Variants in USP15 observed in about 807,000 individuals in gnomAD.
USP15 encodes ubiquitin carboxyl-terminal hydrolase 15.
Under a neutral mutation model 127.1 loss-of-function variants are expected in USP15, and 18 were observed. The ratio of observed to expected loss-of-function variants is 0.14; its 90% CI spans 0.10 to 0.21. USP15 has a LOEUF of 0.21. Ranked by LOEUF, USP15 falls within the 10% of genes least tolerant of loss-of-function variation. The pLI is 1.00. For synonymous variants in USP15, 364 were observed against 393.7 expected, an observed-to-expected ratio of 0.92 and a Z score of 0.89; for missense variants, 805 against 1,159.9, an observed-to-expected ratio of 0.69 and a Z score of 4.44.
chr12:62,314,746 T>C (rs1296608220), intron 3 of USP15, 44 bp from the exon 4 acceptor site: 3 of 1,436,274 alleles, frequency 2.1e-6, no homozygotes, highest in Non-Finnish European at 2.8e-6. Flanking sequence ...GAGTGAAATA[T>C]ATTGATATAG....
chr12:62,394,287 A>G (rs2067414095), intron 19 of USP15, among the ~76,000 whole-genome samples: 1 of 152,204 alleles, frequency 6.6e-6, no homozygotes, highest in African/African-American at 2.4e-5. Flanking sequence ...GTATTATTTC[A>G]TATCCTGTGA....
chr12:62,289,697 TTGTGTGTGTG>T (rs71450579), intron 1 of USP15, among the ~76,000 whole-genome samples: 31 of 135,496 alleles, frequency 2.3e-4, no homozygotes, highest in Middle Eastern at 3.9e-3. Context: ...GGTTGTTAAT[TTGTGTGTGTG>T]TGTGTGTGTG....
intron 6 of USP15, among the ~76,000 whole-genome samples, chr12:62,333,929 G>A (rs2065378549): frequency 1.3e-5 from 2 of 152,090 alleles, no homozygotes; most frequent in Non-Finnish European, 2.9e-5. Context: ...AATCATGAAG[G>A]CTCAGGAAAA....
At chr12:62,300,732 CA>C (rs1241423032) in intron 2 of USP15, among the ~76,000 whole-genome samples, 1 of 152,140 alleles carries the variant, frequency 6.6e-6, no homozygotes, top group Admixed American at 6.5e-5. Flanking sequence ...TTGATGCATA[CA>C]TGGCACTGTA....
chr12:62,269,198 C>T (rs1351840500), intron 1 of USP15, among the ~76,000 whole-genome samples: 1 of 151,956 alleles, frequency 6.6e-6, no homozygotes, highest in Non-Finnish European at 1.5e-5. Context: ...GGGGTACTTA[C>T]ACAAATCTAG....
At chr12:62,376,762 G>C (rs2066842138) in intron 8 of USP15, among the ~76,000 whole-genome samples, 1 of 152,130 alleles carries the variant, frequency 6.6e-6, no homozygotes, top group Non-Finnish European at 1.5e-5. Flanking sequence ...AGGAAGCATT[G>C]AGAGTAAGAG....
At chr12:62,277,245 A>T (rs182663580) in intron 1 of USP15, among the ~76,000 whole-genome samples, 1 of 152,138 alleles carries the variant, frequency 6.6e-6, no homozygotes, top group Non-Finnish European at 1.5e-5. Flanking sequence ...TGTCATGTTT[A>T]TTATGGTATT....
chr12:62,261,114 A>C (rs2137010029), intron 1 of USP15, among the ~76,000 whole-genome samples: 1 of 152,274 alleles, frequency 6.6e-6, no homozygotes, highest in East Asian at 1.9e-4. Context: ...ATGAGAGACC[A>C]CGTGGTCTTG....
rs928276148 is a variant in USP15 at position 62,405,854 on chromosome 12, A to G, written c.*1479A>G. 3 of 152,560 alleles carry G rather than the reference A, an allele frequency of 2.0e-5. No homozygotes were observed. Among genetic ancestry groups the G allele is most frequent in the Non-Finnish European group, 2.9e-5 (2 of 68,004 alleles). The allele number at this position is 152,560 out of a possible 1,614,324, so 9.5% of individuals were successfully genotyped here. On this transcript the variant is annotated 3_prime_UTR_variant, in exon 22 of 22. Coordinates refer to ENST00000280377, the MANE Select transcript of USP15 (RefSeq NM_001252078.2). ...ATTATTTATTTATGTTAGCATTTAAAAGTTTAAAAAAAATGCATTTGACCA... is the reference window on the plus strand; with the variant it reads ...ATTATTTATTTATGTTAGCATTTAAGAGTTTAAAAAAAATGCATTTGACCA...
chr12:62,263,204 G>T (rs1488587697), intron 1 of USP15, among the ~76,000 whole-genome samples: 1 of 151,976 alleles, frequency 6.6e-6, no homozygotes, highest in Non-Finnish European at 1.5e-5. Context: ...TTTAATCTTT[G>T]AATCAGGTTA....
Position 62,391,193 on chromosome 12 carries a change from G to T in USP15, c.1997G>T (p.Ser666Ile), listed in dbSNP as rs1425683574. 6.2e-7 allele frequency: 1 copy of T among 1,613,452 alleles called. No individual in the cohort carries two copies. The highest frequency in any genetic ancestry group is 1.7e-5 in the Admixed American group (1 of 59,940). The change falls in exon 16 of 22, where the codon AGC (serine) becomes ATC (isoleucine). Residue 666 changes from serine to isoleucine, a missense_variant. Ser to Ile is a moderately radical substitution (Grantham distance 142). Coordinates refer to ENST00000280377, the MANE Select transcript of USP15 (RefSeq NM_001252078.2). ...METDEPDDES[S>I]QDQELPSENE... The stretch of plus-strand genomic sequence containing the variant: ...ACAGATGAGCCAGATGATGAATCCA[G>T]CCAGGATCAAGAACTTCCCTCAGAG...
At chr12:62,341,463 C>T (rs1015709651) in intron 6 of USP15, among the ~76,000 whole-genome samples, 1 of 152,118 alleles carries the variant, frequency 6.6e-6, no homozygotes, top group Non-Finnish European at 1.5e-5. Context: ...GATGCAGTTT[C>T]TTCATAGTGT....
At chr12:62,295,235 G>C (rs1203373690) in intron 2 of USP15, among the ~76,000 whole-genome samples, 1 of 152,120 alleles carries the variant, frequency 6.6e-6, no homozygotes, top group Non-Finnish European at 1.5e-5. Context: ...TGAAAAGAAG[G>C]AACAATCATC....
intron 6 of USP15, chr12:62,336,491 C>T: frequency 8.1e-6 from 8 of 985,030 alleles, no homozygotes; most frequent in Non-Finnish European, 9.6e-6. Flanking sequence ...CAAACAGTAC[C>T]CCTTTACATT....
chr12:62,326,561 TA>T (rs1355158702), intron 6 of USP15, among the ~76,000 whole-genome samples: 1 of 152,148 alleles, frequency 6.6e-6, no homozygotes, highest in Non-Finnish European at 1.5e-5. Flanking sequence ...CACTTCTTTA[TA>T]ATCAAACACA....
chr12:62,310,567 T>G (rs144857952), intron 3 of USP15, among the ~76,000 whole-genome samples: 4 of 152,088 alleles, frequency 2.6e-5, no homozygotes, highest in Admixed American at 2.0e-4. Flanking sequence ...GATTTCATTC[T>G]TTGTAATGGC....
intron 11 of USP15, among the ~76,000 whole-genome samples, chr12:62,384,748 TAAAAG>T (rs1227294102): frequency 2.0e-4 from 31 of 151,892 alleles, no homozygotes; most frequent in East Asian, 9.6e-4. Context: ...TTTAGGAACT[TAAAAG>T]AAAGTAGAAA....
At chr12:62,368,971 T>C (rs533499960) in intron 8 of USP15, among the ~76,000 whole-genome samples, 26 of 152,260 alleles carry the variant, frequency 1.7e-4, no homozygotes, top group South Asian at 6.2e-4. Flanking sequence ...TTTTAGTAGC[T>C]AATTTATTTA....
At chr12:62,263,673 CA>C (rs1247406080) in intron 1 of USP15, among the ~76,000 whole-genome samples, 3 of 151,986 alleles carry the variant, frequency 2.0e-5, no homozygotes, top group Non-Finnish European at 4.4e-5. Context: ...TTTTAAAAAG[CA>C]AGAAGAAGGT....
Sources: allele counts gnomAD v4.1 joint callset (sites outside exome capture counted in the v4.1 genomes callset), GRCh38; gene constraint gnomAD v4.1.1; transcripts MANE v1.5; gene names NCBI Gene and HGNC (gene_info 2026-07-23, HGNC 2026-07-21).